ARHGAP42: variants seen among roughly 807,000 people sequenced by gnomAD.
ARHGAP42 encodes the protein rho GTPase-activating protein 42.
In ARHGAP42, 63 loss-of-function variants were observed where a neutral mutation model predicts 125.0. The ratio of observed to expected loss-of-function variants is 0.50; its 90% CI spans 0.41 to 0.62. ARHGAP42 has a LOEUF of 0.62. ARHGAP42 is among the 20% of genes least tolerant of loss of function. ARHGAP42 has a pLI of 0.00. For synonymous variants in ARHGAP42, 339 were observed against 351.0 expected (o/e 0.97, Z 0.38); for missense variants, 766 against 1,024.2 (o/e 0.75, Z 3.44).
intron 22 of ARHGAP42, among the ~76,000 whole-genome samples, chr11:100,982,249 C>T (rs1223060539): frequency 6.6e-6 from 1 of 152,102 alleles, no homozygotes; most frequent in African/African-American, 2.4e-5. Context: ...GGTTTTAACT[C>T]CTAAGACATC....
chr11:100,919,103 C>A (rs1565275563), intron 5 of ARHGAP42, among the ~76,000 whole-genome samples: 1 of 142,122 alleles, frequency 7.0e-6, no homozygotes, highest in Non-Finnish European at 1.5e-5. Flanking sequence ...AGAGTGCTCT[C>A]CCAGTGGAGA....
intron 1 of ARHGAP42, among the ~76,000 whole-genome samples, chr11:100,693,010 A>G (rs1861216650): frequency 1.3e-5 from 2 of 152,228 alleles, no homozygotes; most frequent in Admixed American, 1.3e-4. Flanking sequence ...TTTTGGTAGC[A>G]CAAGGAAAGA....
intron 3 of ARHGAP42, among the ~76,000 whole-genome samples, chr11:100,798,025 A>G (rs907028391): frequency 3.9e-5 from 6 of 152,212 alleles, no homozygotes; most frequent in Admixed American, 6.5e-5. Flanking sequence ...GGAAGATTTA[A>G]GAGAACTAGA....
At chr11:100,820,456 C>T (rs1177431487) in intron 3 of ARHGAP42, among the ~76,000 whole-genome samples, 1 of 152,112 alleles carries the variant, frequency 6.6e-6, no homozygotes, top group Non-Finnish European at 1.5e-5. Flanking sequence ...AAAAAGAAGG[C>T]ATCTCTTCAG....
chr11:100,914,863 C>CA (rs1216581811), intron 5 of ARHGAP42, among the ~76,000 whole-genome samples: 2 of 152,140 alleles, frequency 1.3e-5, no homozygotes, highest in South Asian at 2.1e-4. Flanking sequence ...CTTGACAACT[C>CA]AGAGTGTTAC....
In ARHGAP42 at chr11:100,989,476, G is replaced by T; in HGVS notation, c.*675G>T. On this transcript the variant is annotated 3_prime_UTR_variant, in exon 24 of 24. Coordinates refer to ENST00000298815, the MANE Select transcript of ARHGAP42 (RefSeq NM_152432.4). Reference sequence around the variant, plus strand: ...CAGACACCTTCAGCAAACTTTTTCTGTAAAGGCCTGATAGCAAATATTTTT... The same window carrying T: ...CAGACACCTTCAGCAAACTTTTTCTTTAAAGGCCTGATAGCAAATATTTTT... The T allele has an allele frequency of 4.9e-6, 1 of 205,962 alleles. No homozygotes were observed. Among genetic ancestry groups the T allele is most frequent in the Non-Finnish European group, 9.6e-6 (1 of 103,778 alleles). 12.8% of individuals were successfully genotyped at this position (205,962 alleles called of 1,614,324 possible). A position where few individuals can be genotyped will look rare whatever the true frequency, so the allele number is the denominator to read the frequency against.
chr11:100,880,885 T>G (rs1865943882), intron 4 of ARHGAP42, among the ~76,000 whole-genome samples: 1 of 152,248 alleles, frequency 6.6e-6, no homozygotes, highest in South Asian at 2.1e-4. Flanking sequence ...GTTGGCCATT[T>G]GTATACCTTC....
intron 4 of ARHGAP42, among the ~76,000 whole-genome samples, chr11:100,884,882 A>C (rs1378112838): frequency 6.6e-6 from 1 of 152,174 alleles, no homozygotes; most frequent in Non-Finnish European, 1.5e-5. Flanking sequence ...ATTTGAATTG[A>C]GAATCATTTG....
chr11:100,936,595 A>G (rs924853850), intron 8 of ARHGAP42, among the ~76,000 whole-genome samples: 5 of 152,194 alleles, frequency 3.3e-5, no homozygotes, highest in Admixed American at 2.0e-4. Flanking sequence ...TAATTGTGAT[A>G]CTTAATCTCA....
intron 2 of ARHGAP42, among the ~76,000 whole-genome samples, chr11:100,791,548 CT>C (rs993582721): frequency 8.1e-5 from 12 of 148,226 alleles, no homozygotes; most frequent in Non-Finnish European, 7.5e-5. Context: ...ATGTCCTCAA[CT>C]TTTTTTTTTA....
intron 1 of ARHGAP42, among the ~76,000 whole-genome samples, chr11:100,703,695 G>C (rs546129038): frequency 1.3e-5 from 2 of 152,238 alleles, no homozygotes; most frequent in South Asian, 4.1e-4. Flanking sequence ...TGAACAGACA[G>C]TATAGATTTT....
chr11:100,921,856 CTGAGCCCTAATGTATACTA>C (rs556946098), intron 6 of ARHGAP42, among the ~76,000 whole-genome samples: 289 of 152,150 alleles, frequency 1.9e-3, no homozygotes, highest in African/African-American at 6.6e-3. Context: ...AGCACAAAAA[CTGAGCCCTAATGTATACTA>C]TGGATTCAGT....
At position 100,987,591 on chromosome 11, in the gene ARHGAP42, T is replaced by G; in HGVS notation, c.2535T>G (p.Asn845Lys). The G allele has an allele frequency of 6.4e-7, 1 of 1,551,046 alleles. No homozygotes were observed. Among genetic ancestry groups the G allele is most frequent in the Non-Finnish European group, 8.7e-7 (1 of 1,146,440 alleles). ...TCCCACAAGGAGCAATATTTTCTAA[T>G]GGTAAGTATGTCAATTCCCTCTGCC... ...LSFPQGAIFS[N>K]VYPSVEPGWL... is the part of the protein sequence containing the mutation. The change falls in exon 23 of 24, where the codon AAT becomes AAG. Residue 845 changes from asparagine (N) to lysine (K), a missense_variant and splice_region_variant. Around this residue, in one of 3 missense-constraint regions of ARHGAP42, gnomAD observed 308 missense variants for 369.7 expected, o/e 0.83. Coordinates refer to ENST00000298815, the MANE Select transcript of ARHGAP42 (RefSeq NM_152432.4).
intron 4 of ARHGAP42, among the ~76,000 whole-genome samples, chr11:100,875,107 CTGTGTGTGTG>C (rs67247250): frequency 0.17 from 13,557 of 80,592 alleles, 869 homozygotes; most frequent in East Asian, 0.28. Context: ...CTCTCTCTCT[CTGTGTGTGTG>C]TGTGTGTGTG....
intron 6 of ARHGAP42, among the ~76,000 whole-genome samples, chr11:100,930,327 GAACAAGTAT>G (rs1867540893): frequency 6.6e-6 from 1 of 152,168 alleles, no homozygotes; most frequent in African/African-American, 2.4e-5. Flanking sequence ...AGGATGAAAT[GAACAAGTAT>G]ATGTTCAAAC....
chr11:100,979,095 A>G lies in ARHGAP42; in HGVS notation c.2456+46A>G, dbSNP rs1858465970. 13 of 1,534,852 alleles carry G rather than the reference A, an allele frequency of 8.5e-6. No homozygotes were observed. The South Asian group carries it at 1.6e-4, about 18-fold the overall frequency. ...AATGCATCTAAAAAAAAGTGGTGACATTGTTGCTTTGTATTGACATGACAC... is the reference window on the plus strand; with the variant it reads ...AATGCATCTAAAAAAAAGTGGTGACGTTGTTGCTTTGTATTGACATGACAC... On this transcript the variant is annotated intron_variant, in intron 22 of 23. Coordinates refer to ENST00000298815, the MANE Select transcript of ARHGAP42 (RefSeq NM_152432.4).
chr11:100,774,850 C>G (rs1300463582), intron 2 of ARHGAP42, among the ~76,000 whole-genome samples: 1 of 152,178 alleles, frequency 6.6e-6, no homozygotes, highest in East Asian at 1.9e-4. Flanking sequence ...TGCCTCCACC[C>G]TTTTGGCCTG....
chr11:100,843,983 A>G (rs886891712), intron 3 of ARHGAP42, among the ~76,000 whole-genome samples: 3 of 152,202 alleles, frequency 2.0e-5, no homozygotes, highest in Non-Finnish European at 2.9e-5. Context: ...AATAGCCTGC[A>G]TAGCCAAAGC....
intron 1 of ARHGAP42, among the ~76,000 whole-genome samples, chr11:100,764,041 T>TG (rs57610779): frequency 1.4e-5 from 2 of 145,882 alleles, no homozygotes; most frequent in Non-Finnish European, 3.0e-5. Flanking sequence ...TTTTTTTTTT[T>TG]GAGACAAGTC....
Sources: gnomAD v4.1 joint callset for allele counts (sites outside exome capture counted in the v4.1 genomes callset) on GRCh38, gnomAD v4.1.1 for gene constraint, gnomAD v4.1.1 regional missense constraint, MANE v1.5 for transcripts, NCBI Gene and HGNC (gene_info 2026-07-23, HGNC 2026-07-21) for gene names.